PTPRS: variants seen among roughly 807,000 people sequenced by gnomAD.
PTPRS encodes receptor-type tyrosine-protein phosphatase S.
A neutral mutation model predicts 215.3 loss-of-function variants in PTPRS; 63 were observed. That is an observed-to-expected ratio of 0.29 (90% confidence interval 0.24 to 0.36). The LOEUF is 0.36. Ranked by LOEUF, PTPRS falls within the 10% of genes least tolerant of loss-of-function variation. PTPRS has a pLI of 1.00. For missense variants in PTPRS, 2,258 were observed against 2,825.8 expected (o/e 0.80, Z 4.56); for synonymous variants, 1,404 against 1,191.4 (o/e 1.18, Z -3.68).
rs1003161739 is a variant in PTPRS, at chr19:5,219,573, C to T, written c.3766-106G>A. 1.3e-5 allele frequency: 17 copies of T among 1,339,658 alleles called. No individual in the cohort carries two copies. The African/African-American group carries it at 2.2e-4, about 17-fold the overall frequency. The allele number at this position is 1,339,658 out of a possible 1,614,324, so 83.0% of individuals were successfully genotyped here. A position where few individuals can be genotyped will look rare whatever the true frequency, so the allele number is the denominator to read the frequency against. ...ACGTTTCTCCCCCGCTCTAGATCCT[C>T]CTATATTCCTAGAACCTTGACCCTG... On this transcript the variant is annotated intron_variant, in intron 22 of 37. Transcript: ENST00000262963.
At chr19:5,227,339 C>CCATGCCCTGCCGATGTGTGTTT (rs1268061118) in intron 16 of PTPRS, among the ~76,000 whole-genome samples, 1 of 151,860 alleles carries the variant, frequency 6.6e-6, no homozygotes, top group African/African-American at 2.4e-5. Flanking sequence ...GCGTGAGCCA[C>CCATGCCCTGCCGATGTGTGTTT]TGTGCCTGGC....
intron 18 of PTPRS, 25 bp from the exon 19 acceptor site, chr19:5,222,245 G>C: frequency 6.3e-7 from 1 of 1,593,620 alleles, no homozygotes; most frequent in South Asian, 1.1e-5. Context: ...GCCGAGCAGG[G>C]AGAGAGCAGA....
At chr19:5,328,692 G>A (rs546185511) in intron 1 of PTPRS, among the ~76,000 whole-genome samples, 10 of 152,104 alleles carry the variant, frequency 6.6e-5, no homozygotes, top group Admixed American at 2.6e-4. Context: ...CACTTTGGGA[G>A]GCTGAGACAG....
chr19:5,286,791 C>T (rs1216316204), intron 1 of PTPRS, among the ~76,000 whole-genome samples: 6 of 152,086 alleles, frequency 3.9e-5, no homozygotes, highest in African/African-American at 1.2e-4. Context: ...TAAACCCCAA[C>T]CCCAGCATGA....
chr19:5,284,238 T>C (rs563473610), intron 2 of PTPRS, among the ~76,000 whole-genome samples: 2 of 151,972 alleles, frequency 1.3e-5, no homozygotes, highest in Non-Finnish European at 2.9e-5. Flanking sequence ...CTGGCACCTG[T>C]AATCCCAGCT....
intron 3 of PTPRS, among the ~76,000 whole-genome samples, chr19:5,273,975 A>C (rs1404658330): frequency 6.6e-6 from 1 of 152,202 alleles, no homozygotes; most frequent in Non-Finnish European, 1.5e-5. Context: ...ACTGTGAAGA[A>C]GACTCAGAGA....
rs1388357849 is a variant in PTPRS, at chr19:5,257,789, C to T, written c.706+228G>A. Among the ~76,000 whole-genome samples the T allele has an allele frequency of 2.0e-5, 3 of 152,238 alleles. No homozygotes were observed. Among genetic ancestry groups the T allele is most frequent in the African/African-American group, 7.2e-5 (3 of 41,472 alleles). On this transcript the variant is annotated intron_variant, in intron 8 of 37. Transcript: ENST00000262963. The surrounding 1 kb of genome is among the most constrained non-coding windows in gnomAD (Gnocchi z 4.4). ...CCAGAGCCTGCTGCCCACGGGGCAT[C>T]TCTCGCAAGGCACGAGGAAGGGAAT...
chr19:5,288,351 G>A (rs1436908056), intron 1 of PTPRS, among the ~76,000 whole-genome samples: 4 of 152,062 alleles, frequency 2.6e-5, no homozygotes, highest in African/African-American at 9.7e-5. Flanking sequence ...TGTGCACACA[G>A]GCAGGCTACA....
At chr19:5,292,535 G>A (rs530277924) in intron 1 of PTPRS, among the ~76,000 whole-genome samples, 4 of 152,314 alleles carry the variant, frequency 2.6e-5, no homozygotes, top group South Asian at 2.1e-4. Context: ...TGCCCTGACC[G>A]TCTCAGAAGA....
chr19:5,224,353 G>A (rs2042285585), intron 17 of PTPRS, among the ~76,000 whole-genome samples: 1 of 152,156 alleles, frequency 6.6e-6, no homozygotes, highest in African/African-American at 2.4e-5. Context: ...GCAAGGAAGT[G>A]AGGACTCAGA....
intron 6 of PTPRS, 36 bp downstream of exon 6, chr19:5,262,928 C>T (rs1001928378): frequency 1.9e-5 from 29 of 1,562,956 alleles, no homozygotes; most frequent in Admixed American, 3.6e-5. Flanking sequence ...GGGGATGGGG[C>T]GTTAGTTGTT....
rs1307957363 is a variant in PTPRS at position 5,339,374 on chromosome 19, T to G, written c.-95+1290A>C. ...ATATTTAGGGAGACGAGAAGACGAT[T>G]TGAGACTGGGGAAAGAGGGTCAACC... On this transcript the variant is annotated intron_variant, in intron 1 of 37. Coordinates refer to ENST00000262963, the MANE Select transcript of PTPRS (RefSeq NM_002850.4). The surrounding 1 kb of genome is among the most constrained non-coding windows in gnomAD (Gnocchi z 4.2). Among the ~76,000 whole-genome samples the G allele has an allele frequency of 6.6e-6, 1 of 151,686 alleles. No individual in the cohort carries two copies. The highest frequency in any genetic ancestry group is 1.5e-5 in the Non-Finnish European group (1 of 67,916).
intron 2 of PTPRS, among the ~76,000 whole-genome samples, chr19:5,280,636 G>A (rs1227600356): frequency 6.6e-6 from 1 of 152,070 alleles, no homozygotes; most frequent in Admixed American, 6.6e-5. Context: ...CAGGAGAATC[G>A]TTTGAACCCA....
At chr19:5,320,317 G>A (rs960315549) in intron 1 of PTPRS, among the ~76,000 whole-genome samples, 3 of 152,230 alleles carry the variant, frequency 2.0e-5, no homozygotes, top group South Asian at 2.1e-4. Context: ...GGGGGTACAC[G>A]GACCTTGAAG....
At chr19:5,232,731 A>T (rs1311146273) in intron 13 of PTPRS, among the ~76,000 whole-genome samples, 3 of 151,530 alleles carry the variant, frequency 2.0e-5, no homozygotes, top group African/African-American at 7.3e-5. Flanking sequence ...ATAGCCATAG[A>T]AGCTCCAATT....
rs760830146 is a variant in PTPRS at position 5,231,594 on chromosome 19, T to C, written c.1871A>G (p.Asp624Gly). 2.3e-5 allele frequency: 34 copies of C among 1,510,494 alleles called. No homozygotes were observed. In the South Asian group the frequency reaches 3.9e-4, roughly 17 times the overall value. The allele number at this position is 1,510,494 out of a possible 1,614,324, so 93.6% of individuals were successfully genotyped here. Residue 624 changes from aspartate to glycine, a missense_variant, in exon 14 of 38, where the codon GAC becomes GGC. By Grantham distance (94) the Asp-to-Gly change is moderately conservative. Coordinates refer to ENST00000262963, the MANE Select transcript of PTPRS (RefSeq NM_002850.4). ...GGAGCGCACGCTGACACATTTAACGTCTTGAGGGGGGGCTGACGGTTCTAT... is the reference window on the plus strand; with the variant it reads ...GGAGCGCACGCTGACACATTTAACGCCTTGAGGGGGGGCTGACGGTTCTAT... ...LQSKPSAPPQ[D>G]VKCVSVRSTA...
At chr19:5,239,431 G>C (rs887661360) in intron 12 of PTPRS, among the ~76,000 whole-genome samples, 2 of 151,154 alleles carry the variant, frequency 1.3e-5, no homozygotes, top group Non-Finnish European at 2.9e-5. Context: ...ACAAAGGAGA[G>C]AGACAGACAC....
At chr19:5,262,111 C>T (rs1253576791) in intron 6 of PTPRS, among the ~76,000 whole-genome samples, 1 of 152,118 alleles carries the variant, frequency 6.6e-6, no homozygotes, top group Admixed American at 6.6e-5. Context: ...CCCGTCTCTA[C>T]TAAAAATACA....
At position 5,244,609 on chromosome 19, in the gene PTPRS, C is replaced by T; in HGVS notation, c.989-127G>A. On this transcript the variant is annotated intron_variant, in intron 10 of 37. Transcript: ENST00000262963. The surrounding 1 kb of genome is among the most constrained non-coding windows in gnomAD (Gnocchi z 7.2). ...TTTGCCCAGCAGTAATCATGGGCCT[C>T]ATGACTCCTGTCATCGTCTACAGCA... The T allele has an allele frequency of 1.4e-6, 1 of 718,326 alleles. No individual in the cohort carries two copies. The highest frequency in any genetic ancestry group is 1.9e-5 in the South Asian group (1 of 53,376). The allele number at this position is 718,326 out of a possible 1,614,324, so 44.5% of individuals were successfully genotyped here. A position where few individuals can be genotyped will look rare whatever the true frequency, so the allele number is the denominator to read the frequency against.
Sources: allele counts gnomAD v4.1 joint callset (sites outside exome capture counted in the v4.1 genomes callset), GRCh38; gene constraint gnomAD v4.1.1; non-coding constraint Gnocchi (gnomAD v3.1); transcripts MANE v1.5; gene names NCBI Gene and HGNC (gene_info 2026-07-23, HGNC 2026-07-21).